DDX4: variants seen among roughly 807,000 people sequenced by gnomAD.
DDX4 encodes DEAD-box helicase 4.
In DDX4, 25 loss-of-function variants were observed where a neutral mutation model predicts 100.0. The observed-to-expected ratio is 0.25, with a 90% CI of 0.18 to 0.35. DDX4 has a LOEUF of 0.35. DDX4 is among the 10% of genes least tolerant of loss of function. DDX4 has a pLI of 1.00. For synonymous variants in DDX4, 259 were observed against 275.7 expected (o/e 0.94, Z 0.60); for missense variants, 635 against 882.4 (o/e 0.72, Z 3.55).
chr5:55,787,948 A>G lies in DDX4; in HGVS notation c.1120A>G (p.Thr374Ala). The stretch of plus-strand genomic sequence containing the variant: ...ACCAGAGTGTATTATTGTAGCACCA[A>G]CTCGAGAATTGGTCAACCAGATTTA... ...QEPECIIVAP[T>A]RELVNQIYLE... is the part of the protein sequence containing the mutation. Residue 374 changes from threonine to alanine, a missense_variant, in exon 15 of 22, where the codon ACT becomes GCT. Transcript: ENST00000505374. The G allele has an allele frequency of 1.9e-6, 3 of 1,613,670 alleles. No individual in the cohort carries two copies. The highest frequency in any genetic ancestry group is 2.5e-6 in the Non-Finnish European group (3 of 1,179,850).
At chr5:55,795,198 C>T (rs993415082) in intron 17 of DDX4, among the ~76,000 whole-genome samples, 2 of 152,112 alleles carry the variant, frequency 1.3e-5, no homozygotes, top group African/African-American at 4.8e-5. Flanking sequence ...CTCCTGACCT[C>T]AGCTGATCCG....
At chr5:55,777,207 A>C (rs1442623211) in intron 7 of DDX4, among the ~76,000 whole-genome samples, 1 of 152,194 alleles carries the variant, frequency 6.6e-6, no homozygotes, top group Non-Finnish European at 1.5e-5. Flanking sequence ...GGAGAACAAA[A>C]AGCATCGAAA....
intron 7 of DDX4, among the ~76,000 whole-genome samples, chr5:55,774,765 GT>G (rs2111920591): frequency 1.3e-5 from 2 of 152,244 alleles, no homozygotes; most frequent in African/African-American, 4.8e-5. Context: ...ATTTGTTGAT[GT>G]TTTATATTGA....
intron 10 of DDX4, 55 bp downstream of exon 10, chr5:55,782,036 T>G: frequency 6.3e-7 from 1 of 1,597,116 alleles, no homozygotes; most frequent in Non-Finnish European, 8.6e-7. Context: ...ATTCCAAATT[T>G]AATTTTTTTC....
At chr5:55,761,484 C>T (rs1005825594) in intron 4 of DDX4, among the ~76,000 whole-genome samples, 11 of 151,992 alleles carry the variant, frequency 7.2e-5, no homozygotes, top group Non-Finnish European at 1.6e-4. Flanking sequence ...ATAAAATTTC[C>T]GATCAGAACT....
intron 3 of DDX4, among the ~76,000 whole-genome samples, chr5:55,752,272 C>A (rs867137618): frequency 2.0e-5 from 3 of 149,042 alleles, no homozygotes; most frequent in African/African-American, 5.0e-5. Context: ...CATGCTGGTG[C>A]GCTGCACCCA....
intron 3 of DDX4, among the ~76,000 whole-genome samples, chr5:55,759,883 C>T (rs890244169): frequency 2.0e-5 from 3 of 152,018 alleles, no homozygotes; most frequent in African/African-American, 7.2e-5. Flanking sequence ...GACTGTTTTC[C>T]ATTTTTTAAA....
chr5:55,753,181 T>G (rs1561482981), intron 3 of DDX4, among the ~76,000 whole-genome samples: 3 of 152,296 alleles, frequency 2.0e-5, no homozygotes, highest in Middle Eastern at 3.4e-3. Flanking sequence ...AGAAGCTCTT[T>G]AGTTTAATTA....
chr5:55,787,572 T>G (rs1356374305), intron 14 of DDX4, among the ~76,000 whole-genome samples: 1 of 152,246 alleles, frequency 6.6e-6, no homozygotes, highest in East Asian at 1.9e-4. Flanking sequence ...CTAATGTTGT[T>G]GATCTGTTTA....
chr5:55,739,369 C>T (rs895120715), intron 2 of DDX4, among the ~76,000 whole-genome samples: 4 of 152,092 alleles, frequency 2.6e-5, no homozygotes, highest in Non-Finnish European at 5.9e-5. Flanking sequence ...ACAATAATTA[C>T]GTTTTGGGAG....
At chr5:55,749,787 CA>C (rs1317942233) in intron 3 of DDX4, among the ~76,000 whole-genome samples, 7 of 148,282 alleles carry the variant, frequency 4.7e-5, no homozygotes, top group African/African-American at 1.7e-4. Context: ...CCCAAAGGAG[CA>C]ATTCTTTTGT....
rs763845124 is a variant in DDX4 at position 55,816,741 on chromosome 5, T to C, written c.*201T>C. On this transcript the variant is annotated 3_prime_UTR_variant, in exon 22 of 22. Coordinates refer to ENST00000505374, the MANE Select transcript of DDX4 (RefSeq NM_024415.3). Reference sequence around the variant, plus strand: ...ACAACATTGCAGTTACTGATACAAATGGTGTTAACTGGGAATATTAAAGCA... The same window carrying C: ...ACAACATTGCAGTTACTGATACAAACGGTGTTAACTGGGAATATTAAAGCA... The C allele has an allele frequency of 1.1e-4, 89 of 815,594 alleles. No individual in the cohort carries two copies. Among genetic ancestry groups the C allele is most frequent in the Non-Finnish European group, 1.5e-4 (84 of 564,032 alleles). The allele number at this position is 815,594 out of a possible 1,614,324, so 50.5% of individuals were successfully genotyped here. A position where few individuals can be genotyped will look rare whatever the true frequency, so the allele number is the denominator to read the frequency against.
chr5:55,815,711 GACA>G (rs1407525695), intron 21 of DDX4, among the ~76,000 whole-genome samples: 1 of 151,288 alleles, frequency 6.6e-6, no homozygotes, highest in African/African-American at 2.4e-5. Context: ...TTTGAATTCT[GACA>G]ACATTAATTA....
At chr5:55,804,264 T>C (rs1370819202) in intron 18 of DDX4, among the ~76,000 whole-genome samples, 112 of 152,032 alleles carry the variant, frequency 7.4e-4, no homozygotes, top group African/African-American at 2.3e-3. Context: ...TTCTCCCGTT[T>C]TGTAGGTTGC....
rs144467945 is a variant in DDX4, at chr5:55,749,322, C to T, written c.127+3101C>T. 2.4e-4 allele frequency among the ~76,000 whole-genome samples: 36 copies of T among 152,274 alleles called. No homozygotes were observed. In the East Asian group the frequency reaches 6.6e-3, roughly 28 times the overall value. ...TGATGTGCACCTGTAATCCCAGCTA[C>T]TCAAGAGGCTGAGGTAAGAGGATTG... On this transcript the variant is annotated intron_variant, in intron 3 of 21. Coordinates refer to ENST00000505374, the MANE Select transcript of DDX4 (RefSeq NM_024415.3).
At chr5:55,741,801 AG>A (rs2150803661) in intron 2 of DDX4, among the ~76,000 whole-genome samples, 2 of 152,176 alleles carry the variant, frequency 1.3e-5, no homozygotes, top group African/African-American at 4.8e-5. Flanking sequence ...AAAAAAAAAA[AG>A]TGCAGAAACT....
chr5:55,742,737 C>T (rs1179567668), intron 2 of DDX4, among the ~76,000 whole-genome samples: 1 of 152,118 alleles, frequency 6.6e-6, no homozygotes, highest in African/African-American at 2.4e-5. Flanking sequence ...TTTTTGAGTT[C>T]TAGTAGGTGC....
intron 9 of DDX4, 138 bp from the exon 10 acceptor site, chr5:55,781,796 C>T (rs1741929880): frequency 1.4e-5 from 9 of 635,244 alleles, no homozygotes; most frequent in Non-Finnish European, 7.2e-6. Flanking sequence ...AAAGTTAAAT[C>T]TAAAATTAAG....
At chr5:55,740,246 T>C (rs1319301218) in intron 2 of DDX4, among the ~76,000 whole-genome samples, 1 of 152,204 alleles carries the variant, frequency 6.6e-6, no homozygotes, top group East Asian at 1.9e-4. Flanking sequence ...GTGGGCTCAC[T>C]GCAGCCTCTG....
Sources: allele counts gnomAD v4.1 joint callset (sites outside exome capture counted in the v4.1 genomes callset), GRCh38; gene constraint gnomAD v4.1.1; transcripts MANE v1.5; gene names NCBI Gene and HGNC (gene_info 2026-07-23, HGNC 2026-07-21).